Variants in RAD23B observed in about 807,000 individuals in gnomAD.
RAD23B encodes the protein RAD23 nucleotide excision repair protein B.
RAD23B carries 5 observed loss-of-function variants against 49.1 expected under a neutral mutation model. The observed-to-expected ratio is 0.10, with a 90% CI of 0.05 to 0.21. The LOEUF (loss-of-function observed/expected upper bound fraction) is 0.21, where lower values mean the gene tolerates loss of function less well. Ranked by LOEUF, RAD23B falls within the 10% of genes least tolerant of loss-of-function variation. The pLI is 1.00. For missense variants in RAD23B, 356 were observed against 486.7 expected (o/e 0.73, Z 2.53); for synonymous variants, 184 against 165.4 (o/e 1.11, Z -0.86).
chr9:107,320,086 T>C (rs1222055500), intron 6 of RAD23B, among the ~76,000 whole-genome samples: 1 of 152,260 alleles, frequency 6.6e-6, no homozygotes, highest in East Asian at 1.9e-4. Context: ...AAGAGTCAGT[T>C]ATAAGCCTCA....
chr9:107,320,687 G>T (rs1827091959), intron 6 of RAD23B, among the ~76,000 whole-genome samples: 1 of 152,206 alleles, frequency 6.6e-6, no homozygotes, highest in Non-Finnish European at 1.5e-5. Flanking sequence ...GAGAATAGAG[G>T]TCGATCTATA....
chr9:107,315,061 C>A (rs1826964040), intron 5 of RAD23B, among the ~76,000 whole-genome samples: 1 of 152,062 alleles, frequency 6.6e-6, no homozygotes, highest in African/African-American at 2.4e-5. Flanking sequence ...AGCCAGTGTC[C>A]AGAAGAGTTT....
chr9:107,317,101 T>A (rs200553999), intron 5 of RAD23B, among the ~76,000 whole-genome samples: 2 of 8,640 alleles, frequency 2.3e-4, no homozygotes, highest in African/African-American at 1.3e-3. Flanking sequence ...CGTGCGTGTG[T>A]GTGTGTGTGT....
chr9:107,285,030 C>A, intron 1 of RAD23B: 1 of 1,129,734 alleles, frequency 8.9e-7, no homozygotes, highest in Non-Finnish European at 1.2e-6. Context: ...TTTTGTACAT[C>A]TTTAATTTTT....
In RAD23B at chr9:107,323,994, C is replaced by G. The variant is rs1167069133; in HGVS notation, c.922C>G (p.Arg308Gly). 1.2e-6 allele frequency: 2 copies of G among 1,613,336 alleles called. No individual in the cohort carries two copies. Among genetic ancestry groups the G allele is most frequent in the Non-Finnish European group, 1.7e-6 (2 of 1,179,402 alleles). Residue 308 changes from arginine (R) to glycine (G), a missense_variant, in exon 8 of 10, where the codon CGA becomes GGA. By Grantham distance (125) the Arg-to-Gly change is moderately radical. Coordinates refer to ENST00000358015, the MANE Select transcript of RAD23B (RefSeq NM_002874.5). ...LLPALLQQIG[R>G]ENPQLLQQIS... ...TCCAGCGTTACTACAGCAGATAGGT[C>G]GAGAGAATCCTCAATTACTTCAGGT...
chr9:107,307,639 G>A (rs1187275831), intron 4 of RAD23B, among the ~76,000 whole-genome samples: 2 of 152,200 alleles, frequency 1.3e-5, no homozygotes, highest in African/African-American at 4.8e-5. Flanking sequence ...AGATATATAT[G>A]ACAATGATCA....
chr9:107,307,161 G>A (rs1826796597), intron 4 of RAD23B, among the ~76,000 whole-genome samples: 1 of 152,142 alleles, frequency 6.6e-6, no homozygotes, highest in African/African-American at 2.4e-5. Flanking sequence ...TTTCACTGTT[G>A]TATCTGTATC....
chr9:107,300,851 A>G (rs564548046), intron 2 of RAD23B, among the ~76,000 whole-genome samples: 6 of 152,328 alleles, frequency 3.9e-5, no homozygotes, highest in African/African-American at 1.2e-4. Flanking sequence ...TTGATCACCC[A>G]TGGATTCTTC....
chr9:107,311,155 A>T (rs1587857356), intron 4 of RAD23B, among the ~76,000 whole-genome samples: 2 of 152,272 alleles, frequency 1.3e-5, no homozygotes, highest in Non-Finnish European at 2.9e-5. Context: ...CTTGGATTTA[A>T]CCCATATCTA....
At chr9:107,302,504 T>TA (rs1304773720) in intron 3 of RAD23B, among the ~76,000 whole-genome samples, 1 of 152,142 alleles carries the variant, frequency 6.6e-6, no homozygotes, top group Non-Finnish European at 1.5e-5. Flanking sequence ...GTACTAGTCC[T>TA]AACAGATTCC....
intron 6 of RAD23B, among the ~76,000 whole-genome samples, chr9:107,319,791 GGTT>G (rs1302289327): frequency 2.0e-5 from 3 of 152,208 alleles, no homozygotes; most frequent in South Asian, 4.1e-4. Context: ...TTGAGAAATA[GGTT>G]GTTGTGGACA....
intron 1 of RAD23B, among the ~76,000 whole-genome samples, chr9:107,296,805 G>A (rs1375959014): frequency 1.3e-5 from 2 of 151,600 alleles, no homozygotes; most frequent in East Asian, 3.9e-4. Flanking sequence ...AGGGTGTTGG[G>A]ATTACAGGCG....
At chr9:107,305,284 T>A (rs1191107581) in intron 3 of RAD23B, among the ~76,000 whole-genome samples, 1 of 152,160 alleles carries the variant, frequency 6.6e-6, no homozygotes, top group East Asian at 1.9e-4. Flanking sequence ...GTCTGGGCGA[T>A]AGAGTGAGAA....
intron 1 of RAD23B, among the ~76,000 whole-genome samples, chr9:107,292,050 C>T (rs950173938): frequency 2.6e-5 from 4 of 152,028 alleles, no homozygotes; most frequent in African/African-American, 9.7e-5. Context: ...TCTGTATATC[C>T]CTCTAGTCTT....
intron 1 of RAD23B, among the ~76,000 whole-genome samples, chr9:107,286,705 A>T (rs2133060458): frequency 6.6e-6 from 1 of 152,076 alleles, no homozygotes; most frequent in Non-Finnish European, 1.5e-5. Flanking sequence ...ATTGTGGGAG[A>T]CTTTTAAGTA....
chr9:107,301,907 G>T (rs1474754365), intron 2 of RAD23B, 128 bp from the exon 3 acceptor site: 1 of 1,297,090 alleles, frequency 7.7e-7, no homozygotes, highest in African/African-American at 1.5e-5. Context: ...TTAACTGATA[G>T]AATTTATGTT....
intron 1 of RAD23B, among the ~76,000 whole-genome samples, chr9:107,293,444 A>G (rs545442524): frequency 1.9e-4 from 29 of 152,358 alleles, no homozygotes; most frequent in African/African-American, 7.0e-4. Context: ...ACTGCCTGGC[A>G]TATGGCAAGT....
chr9:107,299,150 A>G (rs1232017794), intron 1 of RAD23B, among the ~76,000 whole-genome samples: 2 of 152,218 alleles, frequency 1.3e-5, no homozygotes, highest in Admixed American at 6.5e-5. Context: ...CTGAAGCTAA[A>G]TAAGCTTTTT....
intron 5 of RAD23B, among the ~76,000 whole-genome samples, chr9:107,317,385 T>C (rs60543725): frequency 0.022 from 3,343 of 152,096 alleles, 118 homozygotes; most frequent in African/African-American, 0.074. Context: ...GCCATTTGTT[T>C]AAAGAGAGCA....
Sources: allele counts gnomAD v4.1 joint callset (sites outside exome capture counted in the v4.1 genomes callset), GRCh38; gene constraint gnomAD v4.1.1; transcripts MANE v1.5; gene names NCBI Gene and HGNC (gene_info 2026-07-23, HGNC 2026-07-21).